Variants in AQR observed in about 807,000 individuals in gnomAD.
AQR encodes the protein aquarius intron-binding spliceosomal factor.
AQR carries 61 observed loss-of-function variants against 180.5 expected under a neutral mutation model. That is an observed-to-expected ratio of 0.34 (90% CI 0.28 to 0.42). The LOEUF (loss-of-function observed/expected upper bound fraction) is 0.42. Ranked by LOEUF, AQR falls within the 10% of genes least tolerant of loss-of-function variation. AQR has a pLI of 1.00. For synonymous variants in AQR, 551 were observed against 588.8 expected, an observed-to-expected ratio of 0.94 and a Z score of 0.93; for missense variants, 1,281 against 1,798.3, an observed-to-expected ratio of 0.71 and a Z score of 5.20.
Position 34,873,856 on chromosome 15 carries a change from T to A in AQR, c.3569A>T (p.Glu1190Val). ...ATAGAAGTAAGGATTAGGTTCAGAT[T>A]CTCCCACTCCTTGAAAATCTTCAAC... ...INVEDFQGVG[E>V]SEPNPYFYQN... Residue 1190 changes from glutamate (E) to valine (V), a missense_variant, in exon 30 of 35, where the codon GAA becomes GTA. Physicochemically the swap from Glu to Val is moderately radical, Grantham distance 121. Transcript: ENST00000156471. 6.2e-7 allele frequency: 1 copy of A among 1,603,496 alleles called. No individual in the cohort carries two copies. The highest frequency in any genetic ancestry group is 8.5e-7 in the Non-Finnish European group (1 of 1,174,644).
rs1255323663 is a variant in AQR at position 34,899,166 on chromosome 15, C to A, written c.2243+1456G>T. The stretch of plus-strand genomic sequence containing the variant: ...CAGCCTGGGCGACAGAGCAAGACTC[C>A]ATCTCAAAAACAAAAAAAAAATCCA... On this transcript the variant is annotated intron_variant, in intron 20 of 34. Transcript: ENST00000156471. Among the ~76,000 whole-genome samples the A allele has an allele frequency of 4.0e-5, 6 of 151,456 alleles. No homozygotes were observed. The East Asian group carries it at 1.2e-3, about 29-fold the overall frequency.
intron 15 of AQR, among the ~76,000 whole-genome samples, chr15:34,918,047 A>G (rs141151858): frequency 2.6e-5 from 4 of 152,282 alleles, no homozygotes; most frequent in African/African-American, 7.2e-5. Context: ...TTACAGGGTG[A>G]TATGTGTATA....
At chr15:34,893,149 G>A (rs572946218) in intron 23 of AQR, among the ~76,000 whole-genome samples, 1 of 152,248 alleles carries the variant, frequency 6.6e-6, no homozygotes, top group Admixed American at 6.5e-5. Context: ...TTCTCAGCAA[G>A]GCAATTTACT....
rs1235082832 is a variant in AQR at position 34,852,336 on chromosome 15, A to G, written c.*4456T>C. On this transcript the variant is annotated 3_prime_UTR_variant, in exon 35 of 35. Coordinates refer to ENST00000156471, the MANE Select transcript of AQR (RefSeq NM_014691.3). ...CAGGTGCCTGCCACCATGGCTGGCT[A>G]ATTTTTGTCTTTTTAGTAGAGACGG... The G allele has an allele frequency of 6.6e-6, 1 of 152,142 alleles. No individual in the cohort carries two copies. The highest frequency in any genetic ancestry group is 1.9e-4 in the East Asian group (1 of 5,176). 9.4% of individuals were successfully genotyped at this position (152,142 alleles called of 1,614,324 possible).
intron 27 of AQR, among the ~76,000 whole-genome samples, chr15:34,876,894 T>C (rs1037365827): frequency 1.3e-5 from 2 of 152,178 alleles, no homozygotes; most frequent in Admixed American, 1.3e-4. Context: ...TAGTTGGTTC[T>C]TTCTCATCCT....
At chr15:34,950,359 A>G (rs1894208107) in intron 4 of AQR, among the ~76,000 whole-genome samples, 2 of 152,130 alleles carry the variant, frequency 1.3e-5, no homozygotes, top group South Asian at 4.1e-4. Flanking sequence ...AAGTGCTGGG[A>G]TTACAGGTGT....
intron 4 of AQR, among the ~76,000 whole-genome samples, chr15:34,950,356 G>T (rs1010643796): frequency 6.6e-6 from 1 of 151,930 alleles, no homozygotes; most frequent in Non-Finnish European, 1.5e-5. Context: ...CCAAAGTGCT[G>T]GGATTACAGG....
At chr15:34,909,876 AG>A (rs986614855) in intron 17 of AQR, among the ~76,000 whole-genome samples, 1 of 152,196 alleles carries the variant, frequency 6.6e-6, no homozygotes, top group African/African-American at 2.4e-5. Flanking sequence ...TGCAAACTTC[AG>A]TTTTCAAAAC....
intron 3 of AQR, among the ~76,000 whole-genome samples, chr15:34,954,338 C>T (rs549642486): frequency 6.6e-6 from 1 of 152,068 alleles, no homozygotes; most frequent in African/African-American, 2.4e-5. Flanking sequence ...GCAGAGCTTG[C>T]TCTATTGCCC....
At chr15:34,893,252 A>G (rs1189058895) in intron 23 of AQR, among the ~76,000 whole-genome samples, 1 of 152,172 alleles carries the variant, frequency 6.6e-6, no homozygotes, top group African/African-American at 2.4e-5. Context: ...CAGCCCCTGT[A>G]TCTGTGTCCT....
chr15:34,969,381 C>CG (rs2050331601), intron 1 of AQR, among the ~76,000 whole-genome samples, 158 bp downstream of exon 1: 1 of 152,094 alleles, frequency 6.6e-6, no homozygotes, highest in Admixed American at 6.5e-5. Flanking sequence ...GCATAGTGGC[C>CG]GGCACGGAGC....
chr15:34,949,916 T>C (rs187091184), intron 4 of AQR, among the ~76,000 whole-genome samples: 360 of 148,030 alleles, frequency 2.4e-3, no homozygotes, highest in African/African-American at 8.6e-3. Context: ...CAGTGAGCCA[T>C]GACTGTGCCA....
chr15:34,878,139 C>T (rs1365475322), intron 27 of AQR, among the ~76,000 whole-genome samples: 3 of 152,024 alleles, frequency 2.0e-5, no homozygotes, highest in Non-Finnish European at 4.4e-5. Context: ...AATCCCAGAA[C>T]TCTGGGAGGC....
At chr15:34,911,480 C>T (rs1048791464) in intron 16 of AQR, among the ~76,000 whole-genome samples, 10 of 152,128 alleles carry the variant, frequency 6.6e-5, no homozygotes, top group Non-Finnish European at 1.3e-4. Flanking sequence ...TGATAACAGC[C>T]ATTCTAACAG....
At chr15:34,940,578 A>G (rs1439883915) in intron 8 of AQR, among the ~76,000 whole-genome samples, 1 of 152,124 alleles carries the variant, frequency 6.6e-6, no homozygotes, top group East Asian at 1.9e-4. Context: ...AAGAGAAGTT[A>G]TATTAATAGC....
chr15:34,941,132 T>C (rs1894016129), intron 7 of AQR, 133 bp from the exon 8 acceptor site: 1 of 520,126 alleles, frequency 1.9e-6, no homozygotes, highest in Non-Finnish European at 3.3e-6. Context: ...GAAAATAACA[T>C]GACAAACCCT....
At position 34,938,767 on chromosome 15, in the gene AQR, TA is replaced by T; in HGVS notation, c.687del (p.Phe229LeufsTer5). 1 of 1,609,368 alleles carries T rather than the reference TA, an allele frequency of 6.2e-7. No homozygotes were observed. The highest frequency in any genetic ancestry group is 8.5e-7 in the Non-Finnish European group (1 of 1,176,528). ...RRFLSQLIQK[F>X]ISVLKSVPLS... ...AGTGGGACTGATTTCAGCACAGAGA[TA>T]AACTTCTGGATGAGTTGTGAAAGAA... On this transcript the variant is annotated frameshift_variant, in exon 9 of 35. Coordinates refer to ENST00000156471, the MANE Select transcript of AQR (RefSeq NM_014691.3). LOFTEE classifies it high-confidence loss of function.
chr15:34,855,253 A>C lies in AQR; in HGVS notation c.*1539T>G, dbSNP rs1892572990. On this transcript the variant is annotated 3_prime_UTR_variant, in exon 35 of 35. Coordinates refer to ENST00000156471, the MANE Select transcript of AQR (RefSeq NM_014691.3). ...AGAGCTGAGCAAACACTAGTCACTC[A>C]AAAATATAACTGACTTGACTTTCTG... 1 of 152,262 alleles carries C rather than the reference A, an allele frequency of 6.6e-6. No homozygotes were observed. Among genetic ancestry groups the C allele is most frequent in the South Asian group, 2.1e-4 (1 of 4,830 alleles). 9.4% of individuals were successfully genotyped at this position (152,262 alleles called of 1,614,324 possible).
chr15:34,858,724 T>C (rs1490628693), intron 34 of AQR, among the ~76,000 whole-genome samples: 10 of 152,174 alleles, frequency 6.6e-5, no homozygotes, highest in African/African-American at 2.2e-4. Context: ...GGTAGTACAG[T>C]CATGGCAAAG....
Sources: gnomAD v4.1 joint callset for allele counts (sites outside exome capture counted in the v4.1 genomes callset) on GRCh38, gnomAD v4.1.1 for gene constraint, MANE v1.5 for transcripts, NCBI Gene and HGNC (gene_info 2026-07-23, HGNC 2026-07-21) for gene names.